OR2T6: variants seen among roughly 807,000 people sequenced by gnomAD.
The protein encoded by OR2T6 is olfactory receptor family 2 subfamily T member 6, also known as olfactory receptor 2T6.
For synonymous variants in OR2T6, 174 were observed against 148.0 expected (o/e 1.18, Z -1.27); for missense variants, 424 against 391.6 (o/e 1.08, Z -0.70).
chr1:248,384,361 G>C (rs1385758088), intron 1 of OR2T6, among the ~76,000 whole-genome samples: 45 of 105,822 alleles, frequency 4.3e-4, no homozygotes, highest in African/African-American at 2.9e-3. Flanking sequence ...CACTGCACTA[G>C]CCTGAGTGTG....
chr1:248,382,221 C>T (rs1464281386), intron 1 of OR2T6, among the ~76,000 whole-genome samples: 2 of 152,182 alleles, frequency 1.3e-5, no homozygotes, highest in Non-Finnish European at 2.9e-5. Flanking sequence ...CAGGAAGACA[C>T]CTGTGGTCAG....
intron 1 of OR2T6, among the ~76,000 whole-genome samples, chr1:248,377,826 A>G (rs866382244): frequency 6.6e-6 from 1 of 152,070 alleles, no homozygotes; most frequent in Non-Finnish European, 1.5e-5. Context: ...CTTTGGGCGC[A>G]TTTTTTTCCT....
Position 248,388,552 on chromosome 1 carries a change from T to G in OR2T6, c.*17T>G, listed in dbSNP as rs376924283. 6 of 1,534,978 alleles carry G rather than the reference T, an allele frequency of 3.9e-6. No individual in the cohort carries two copies. In the African/African-American group the frequency reaches 8.3e-5, roughly 21 times the overall value. ...AGATGTTAGGGGACATGTGGTGTGATGAGGAAAGAATTCTGATGGTCTAAA... is the reference window on the plus strand; with the variant it reads ...AGATGTTAGGGGACATGTGGTGTGAGGAGGAAAGAATTCTGATGGTCTAAA... On this transcript the variant is annotated 3_prime_UTR_variant, in exon 3 of 3. Coordinates refer to ENST00000641644, the MANE Select transcript of OR2T6 (RefSeq NM_001005471.2).
Position 248,390,040 on chromosome 1 carries a change from T to C in OR2T6, c.*1505T>C, listed in dbSNP as rs968360565. ...TGCTGAAGGCCTGCTCTTTTACGGT[T>C]ACAGAGTCCTCCCATGAGAACTGAT... On this transcript the variant is annotated 3_prime_UTR_variant, in exon 3 of 3. Transcript: ENST00000641644. 1.3e-5 allele frequency: 2 copies of C among 152,188 alleles called. No homozygotes were observed. Among genetic ancestry groups the C allele is most frequent in the African/African-American group, 4.8e-5 (2 of 41,444 alleles). The allele number at this position is 152,188 out of a possible 1,614,324, so 9.4% of individuals were successfully genotyped here. A position where few individuals can be genotyped will look rare whatever the true frequency, so the allele number is the denominator to read the frequency against.
In OR2T6 at chr1:248,382,223, T is replaced by G. The variant is rs570042802; in HGVS notation, c.-158-2488T>G. On this transcript the variant is annotated intron_variant, in intron 1 of 2. Transcript: ENST00000641644. The stretch of plus-strand genomic sequence containing the variant: ...ATTTGGAATTTATCAGGAAGACACC[T>G]GTGGTCAGTGTGAATTTTAGCCTGT... 3.9e-5 allele frequency among the ~76,000 whole-genome samples: 6 copies of G among 152,364 alleles called. No individual in the cohort carries two copies. The East Asian group carries it at 1.2e-3, about 29-fold the overall frequency.
At chr1:248,378,439 C>T (rs1319759404) in intron 1 of OR2T6, among the ~76,000 whole-genome samples, 1 of 147,870 alleles carries the variant, frequency 6.8e-6, no homozygotes, top group East Asian at 1.9e-4. Flanking sequence ...TAAAGTCTTA[C>T]TCTTTACCTC....
Position 248,389,347 on chromosome 1 carries a change from T to C in OR2T6, c.*812T>C, listed in dbSNP as rs1661210607. 6.6e-6 allele frequency: 1 copy of C among 152,244 alleles called. No individual in the cohort carries two copies. The highest frequency in any genetic ancestry group is 6.5e-5 in the Admixed American group (1 of 15,278). 9.4% of individuals were successfully genotyped at this position (152,244 alleles called of 1,614,324 possible). A position where few individuals can be genotyped will look rare whatever the true frequency, so the allele number is the denominator to read the frequency against. ...ATCCCTGTGCAGATGTTAGTGTTGT[T>C]GGAGCTATTTCTACCAACTTTTCTC... is the stretch of plus-strand genomic sequence containing the variant. On this transcript the variant is annotated 3_prime_UTR_variant, in exon 3 of 3. Coordinates refer to ENST00000641644, the MANE Select transcript of OR2T6 (RefSeq NM_001005471.2).
rs1382645150 is a variant in OR2T6, at chr1:248,388,200, G to C, written c.592G>C (p.Val198Leu). The C allele has an allele frequency of 6.2e-7, 1 of 1,613,896 alleles. No individual in the cohort carries two copies. The change falls in exon 3 of 3, where the codon GTG (valine) becomes CTG (leucine). Residue 198 changes from valine to leucine, a missense_variant. Physicochemically the swap from Val to Leu is conservative, Grantham distance 32. Transcript: ENST00000641644. ...ACGDKTTYET[V>L]MYVCCVAMLL... The stretch of plus-strand genomic sequence containing the variant: ...TGGGGACAAAACCACCTATGAAACA[G>C]TGATGTATGTGTGCTGCGTTGCAAT...
chr1:248,376,072 A>C lies in OR2T6; in HGVS notation c.-159+18A>C, dbSNP rs547307412. 9 of 152,296 alleles carry C rather than the reference A, an allele frequency of 5.9e-5. No homozygotes were observed. The highest frequency in any genetic ancestry group is 2.2e-4 in the African/African-American group (9 of 41,568). 9.4% of individuals were successfully genotyped at this position (152,296 alleles called of 1,614,324 possible). ...ACCTGTAAGTGATCCACTATCATCAACTTATATCTCCATACTCACAGTAAG... is the reference window on the plus strand; with the variant it reads ...ACCTGTAAGTGATCCACTATCATCACCTTATATCTCCATACTCACAGTAAG... On this transcript the variant is annotated intron_variant, in intron 1 of 2. Transcript: ENST00000641644.
At chr1:248,385,962 G>A (rs1033561820) in intron 2 of OR2T6, among the ~76,000 whole-genome samples, 3 of 152,118 alleles carry the variant, frequency 2.0e-5, no homozygotes, top group Admixed American at 6.5e-5. Context: ...ATCAGGAAAC[G>A]GGCTCTAAGT....
intron 2 of OR2T6, among the ~76,000 whole-genome samples, chr1:248,387,348 C>G (rs1158967390): frequency 6.6e-6 from 1 of 152,166 alleles, no homozygotes; most frequent in Non-Finnish European, 1.5e-5. Context: ...CATAATGAAA[C>G]TCCCTTAAGC....
At position 248,377,147 on chromosome 1, in the gene OR2T6, T is replaced by C. The variant is rs535015675; in HGVS notation, c.-159+1093T>C. On this transcript the variant is annotated intron_variant, in intron 1 of 2. Transcript: ENST00000641644. ...GAAAGCACGGGCATAACACTTCCTG[T>C]GAGGTTAGAAGGGACCAAGTGGCCT... 5.9e-5 allele frequency among the ~76,000 whole-genome samples: 9 copies of C among 152,312 alleles called. No individual in the cohort carries two copies. The South Asian group carries it at 1.7e-3, about 28-fold the overall frequency.
intron 2 of OR2T6, among the ~76,000 whole-genome samples, chr1:248,386,564 T>C (rs1661139637): frequency 6.6e-6 from 1 of 152,168 alleles, no homozygotes; most frequent in South Asian, 2.1e-4. Context: ...CATGTTAAAG[T>C]TAAACTGTTA....
chr1:248,386,991 A>T (rs1661145449), intron 2 of OR2T6, among the ~76,000 whole-genome samples: 1 of 152,214 alleles, frequency 6.6e-6, no homozygotes, highest in South Asian at 2.1e-4. Flanking sequence ...AACACTGCAC[A>T]GTACTCTCTC....
chr1:248,385,490 T>C (rs1197096516), intron 2 of OR2T6, among the ~76,000 whole-genome samples: 1 of 152,214 alleles, frequency 6.6e-6, no homozygotes, highest in African/African-American at 2.4e-5. Context: ...ACAGTCTTCT[T>C]CCTGGAATCA....
In OR2T6 at chr1:248,388,011, C is replaced by T. The variant is rs1224184805; in HGVS notation, c.403C>T (p.Leu135Phe). The T allele has an allele frequency of 3.0e-5, 48 of 1,613,232 alleles. No individual in the cohort carries two copies. Among genetic ancestry groups the T allele is most frequent in the Non-Finnish European group, 3.9e-5 (46 of 1,179,558 alleles). Residue 135 changes from leucine to phenylalanine, a missense_variant, in exon 3 of 3, where the codon CTC (leucine) becomes TTC (phenylalanine). Coordinates refer to ENST00000641644, the MANE Select transcript of OR2T6 (RefSeq NM_001005471.2). Reference sequence around the variant, plus strand: ...CTGCAACCCACTGCGCTATCCTGTCCTCATCAGCTGGCGGGTCTGCTGGAT... The same window carrying T: ...CTGCAACCCACTGCGCTATCCTGTCTTCATCAGCTGGCGGGTCTGCTGGAT... ...AICNPLRYPVLISWRVCWMIL... is the reference protein window; with the variant it reads ...AICNPLRYPVFISWRVCWMIL...
chr1:248,383,521 C>T (rs77631592), intron 1 of OR2T6, among the ~76,000 whole-genome samples: 16 of 73,820 alleles, frequency 2.2e-4, no homozygotes, highest in East Asian at 4.6e-4. Flanking sequence ...CTAGTGTTAT[C>T]ATCATGGAGA....
At chr1:248,381,006 A>G (rs1661019605) in intron 1 of OR2T6, among the ~76,000 whole-genome samples, 3 of 152,034 alleles carry the variant, frequency 2.0e-5, no homozygotes, top group African/African-American at 7.2e-5. Context: ...GAGTAAATCT[A>G]CACTTTGAAA....
chr1:248,388,021 G>C lies in OR2T6; in HGVS notation c.413G>C (p.Trp138Ser). ...NPLRYPVLIS[W>S]RVCWMILASS... ...CTGCGCTATCCTGTCCTCATCAGCT[G>C]GCGGGTCTGCTGGATGATCCTGGCC... is the stretch of plus-strand genomic sequence containing the variant. The change falls in exon 3 of 3, where the codon TGG becomes TCG. Residue 138 changes from tryptophan to serine, a missense_variant. By Grantham distance (177) the Trp-to-Ser change is radical (BLOSUM62 -3). Coordinates refer to ENST00000641644, the MANE Select transcript of OR2T6 (RefSeq NM_001005471.2). 1.2e-6 allele frequency: 2 copies of C among 1,613,638 alleles called. No homozygotes were observed.
Sources: allele counts gnomAD v4.1 joint callset (sites outside exome capture counted in the v4.1 genomes callset), GRCh38; gene constraint gnomAD v4.1.1; transcripts MANE v1.5; gene names NCBI Gene and HGNC (gene_info 2026-07-23, HGNC 2026-07-21).